The following RAI14 variants were observed in gnomAD, a reference collection of about 807,000 sequenced individuals.
RAI14 encodes the protein ankycorbin.
A neutral mutation model predicts 115.4 loss-of-function variants in RAI14; 45 were observed. The observed-to-expected ratio is 0.39, with a 90% CI of 0.31 to 0.50. The LOEUF (loss-of-function observed/expected upper bound fraction) is 0.50. RAI14 is among the 20% of genes least tolerant of loss of function. The probability of loss-of-function intolerance (pLI) is 0.85; values close to 1 mark genes in which losing one functional copy is unlikely to be tolerated. For missense variants in RAI14, 939 were observed against 1,131.2 expected, an observed-to-expected ratio of 0.83 and a Z score of 2.44; for synonymous variants, 371 against 415.4, an observed-to-expected ratio of 0.89 and a Z score of 1.30.
At chr5:34,759,780 A>G (rs1471917523) in intron 3 of RAI14, among the ~76,000 whole-genome samples, 1 of 152,192 alleles carries the variant, frequency 6.6e-6, no homozygotes, top group Non-Finnish European at 1.5e-5. Flanking sequence ...TGGTCTGTGG[A>G]AAAATTGTCT....
At chr5:34,773,215 G>T (rs1186925361) in intron 3 of RAI14, among the ~76,000 whole-genome samples, 1 of 152,108 alleles carries the variant, frequency 6.6e-6, no homozygotes, top group Non-Finnish European at 1.5e-5. Flanking sequence ...ATATGTAGAA[G>T]AATGAAATTG....
At chr5:34,758,528 G>A (rs1748199494) in intron 3 of RAI14, among the ~76,000 whole-genome samples, 1 of 152,098 alleles carries the variant, frequency 6.6e-6, no homozygotes, top group African/African-American at 2.4e-5. Flanking sequence ...TTTAAGGTGT[G>A]TTATTGACAG....
At chr5:34,818,649 T>C in intron 12 of RAI14, 148 bp from the exon 13 acceptor site, 3 of 556,310 alleles carry the variant, frequency 5.4e-6, no homozygotes, top group Admixed American at 7.2e-5. Context: ...GCTTAAAATA[T>C]CTTCTTTCTT....
rs759599283 is a variant in RAI14 at position 34,686,927 on chromosome 5, G to A, written c.8G>A (p.Ser3Asn). 11 of 1,613,650 alleles carry A rather than the reference G, an allele frequency of 6.8e-6. No individual in the cohort carries two copies. Among genetic ancestry groups the A allele is most frequent in the Non-Finnish European group, 9.3e-6 (11 of 1,179,846 alleles). MK[S>N]LKAKFRKSDT... The stretch of plus-strand genomic sequence containing the variant: ...AGGCTGAATGCACTAAACATGAAGA[G>A]CTTGAAAGCGAAGTTCAGGAAGAGT... The change falls in exon 2 of 18, where the codon AGC becomes AAC. Residue 3 changes from serine to asparagine, a missense_variant. By Grantham distance (46) the Ser-to-Asn change is conservative. Coordinates refer to ENST00000265109, the MANE Select transcript of RAI14 (RefSeq NM_015577.3).
intron 2 of RAI14, among the ~76,000 whole-genome samples, chr5:34,696,777 G>A (rs931575719): frequency 1.3e-5 from 2 of 152,180 alleles, no homozygotes; most frequent in Non-Finnish European, 2.9e-5. Context: ...TTGTCCTATT[G>A]GTAGAAGTCT....
At chr5:34,776,292 G>A (rs1424286487) in intron 3 of RAI14, among the ~76,000 whole-genome samples, 2 of 152,050 alleles carry the variant, frequency 1.3e-5, no homozygotes, top group African/African-American at 4.8e-5. Flanking sequence ...AAAGTGGGGA[G>A]GTTAATGGGT....
intron 2 of RAI14, among the ~76,000 whole-genome samples, chr5:34,725,518 A>G (rs1343182948): frequency 6.6e-6 from 1 of 151,966 alleles, no homozygotes; most frequent in African/African-American, 2.4e-5. Context: ...GTAGGCAAAT[A>G]CCAGACAGAA....
chr5:34,811,673 A>C, intron 8 of RAI14, 94 bp from the exon 9 acceptor site: 1 of 1,162,752 alleles, frequency 8.6e-7, no homozygotes, highest in South Asian at 1.5e-5. Flanking sequence ...AACTGCACTT[A>C]ATCTTCTTTT....
chr5:34,744,858 T>C (rs961925822), intron 2 of RAI14, among the ~76,000 whole-genome samples: 7 of 152,178 alleles, frequency 4.6e-5, no homozygotes, highest in South Asian at 2.1e-4. Context: ...CCATGCTCCC[T>C]CCCAAGGTTC....
intron 2 of RAI14, among the ~76,000 whole-genome samples, chr5:34,729,197 AAAT>A (rs1743862176): frequency 6.6e-6 from 1 of 151,962 alleles, no homozygotes; most frequent in African/African-American, 2.4e-5. Flanking sequence ...AAAAATACAA[AAAT>A]TAGCCAGGGG....
chr5:34,819,209 A>T (rs1284818695), intron 13 of RAI14, among the ~76,000 whole-genome samples: 1 of 152,240 alleles, frequency 6.6e-6, no homozygotes, highest in Non-Finnish European at 1.5e-5. Flanking sequence ...GTTATTGCAG[A>T]TATCTTGAAA....
intron 3 of RAI14, among the ~76,000 whole-genome samples, chr5:34,766,839 A>G (rs968336523): frequency 6.6e-5 from 10 of 152,340 alleles, no homozygotes; most frequent in African/African-American, 2.4e-4. Context: ...TTGTACTCCC[A>G]TAATTCCTAC....
rs1437576244 is a variant in RAI14, at chr5:34,757,510, G to A, written c.79G>A (p.Val27Met). ...NKNDDRLLQA[V>M]ENGDAEKVAS... ...GAATGATGACCGGCTACTGCAGGCC[G>A]TGGAGAATGGAGATGCGGAGAAGGT... Residue 27 changes from valine to methionine, a missense_variant, in exon 3 of 18, where the codon GTG becomes ATG. Val to Met is a conservative substitution (Grantham distance 21). Transcript: ENST00000265109. The A allele has an allele frequency of 5.6e-6, 9 of 1,613,752 alleles. No individual in the cohort carries two copies. The highest frequency in any genetic ancestry group is 1.1e-5 in the South Asian group (1 of 91,066).
chr5:34,663,346 G>T (rs1742847842), intron 1 of RAI14, among the ~76,000 whole-genome samples: 1 of 151,906 alleles, frequency 6.6e-6, no homozygotes, highest in African/African-American at 2.4e-5. Flanking sequence ...GCGAAACTTT[G>T]TCTCTAAAAA....
At chr5:34,665,234 G>A (rs1188795751) in intron 1 of RAI14, among the ~76,000 whole-genome samples, 1 of 120,514 alleles carries the variant, frequency 8.3e-6, no homozygotes, top group African/African-American at 3.4e-5. Flanking sequence ...CTCATTGATT[G>A]ATGGGTATTT....
chr5:34,796,397 C>CAA (rs373073743), intron 4 of RAI14, among the ~76,000 whole-genome samples: 2,172 of 123,970 alleles, frequency 0.018, 52 homozygotes, highest in African/African-American at 0.052. Context: ...GACTCTGTCT[C>CAA]AAAAAAAAAA....
At chr5:34,778,745 T>G (rs926908403) in intron 3 of RAI14, among the ~76,000 whole-genome samples, 1 of 143,800 alleles carries the variant, frequency 7.0e-6, no homozygotes, top group African/African-American at 2.5e-5. Context: ...CTGTGATTTT[T>G]TTTTTTTTAA....
At chr5:34,708,814 C>T (rs993481359) in intron 2 of RAI14, among the ~76,000 whole-genome samples, 3 of 152,088 alleles carry the variant, frequency 2.0e-5, no homozygotes, top group African/African-American at 4.8e-5. Flanking sequence ...TGAGAGCCTG[C>T]CTGGAGCCAT....
At chr5:34,750,715 G>A (rs1287247987) in intron 2 of RAI14, among the ~76,000 whole-genome samples, 1 of 152,134 alleles carries the variant, frequency 6.6e-6, no homozygotes, top group African/African-American at 2.4e-5. Flanking sequence ...CATCTGAGGA[G>A]CTGCTAATCA....
Sources: gnomAD v4.1 joint callset for allele counts (sites outside exome capture counted in the v4.1 genomes callset) on GRCh38, gnomAD v4.1.1 for gene constraint, MANE v1.5 for transcripts, NCBI Gene and HGNC (gene_info 2026-07-23, HGNC 2026-07-21) for gene names.